WIPF3: variants seen among roughly 807,000 people sequenced by gnomAD.
The protein encoded by WIPF3 is WAS/WASL-interacting protein family member 3.
WIPF3 carries 33 observed loss-of-function variants against 38.9 expected under a neutral mutation model. The ratio of observed to expected loss-of-function variants is 0.85; its 90% confidence interval spans 0.64 to 1.14. WIPF3 has a LOEUF of 1.14. Among genes scored for constraint, WIPF3 ranks in the 50% most tolerant of loss-of-function variants. The pLI is 0.00. For synonymous variants in WIPF3, 324 were observed against 269.3 expected (o/e 1.20, Z -1.99); for missense variants, 711 against 652.5 (o/e 1.09, Z -0.98).
intron 2 of WIPF3, among the ~76,000 whole-genome samples, chr7:29,848,171 G>T (rs1037840054): frequency 4.6e-5 from 7 of 152,212 alleles, no homozygotes; most frequent in African/African-American, 1.7e-4. Flanking sequence ...ACCAGCCACA[G>T]ATTAGACCCA....
At chr7:29,864,729 G>A (rs189707946) in intron 2 of WIPF3, among the ~76,000 whole-genome samples, 413 of 152,214 alleles carry the variant, frequency 2.7e-3, no homozygotes, top group Non-Finnish European at 4.4e-3. Flanking sequence ...CCACATTTCA[G>A]ATTCTCTATT....
chr7:29,888,240 C>G (rs763962063), intron 6 of WIPF3, 23 bp downstream of exon 6: 7 of 1,588,976 alleles, frequency 4.4e-6, no homozygotes, highest in Non-Finnish European at 3.4e-6. Flanking sequence ...CACCCTCTGC[C>G]GGTTTGGCTG....
chr7:29,873,096 C>T (rs1467395303), intron 2 of WIPF3, among the ~76,000 whole-genome samples: 1 of 152,308 alleles, frequency 6.6e-6, no homozygotes, highest in Admixed American at 6.5e-5. Flanking sequence ...CAACGTTCTT[C>T]ACAGCCCTCA....
chr7:29,822,677 A>G (rs1025269853), intron 1 of WIPF3, among the ~76,000 whole-genome samples: 3 of 152,208 alleles, frequency 2.0e-5, no homozygotes, highest in African/African-American at 4.8e-5. Context: ...TGTATCGTCT[A>G]CAGCATATCC....
chr7:29,845,013 G>A (rs1184720942), intron 2 of WIPF3, among the ~76,000 whole-genome samples: 1 of 150,118 alleles, frequency 6.7e-6, no homozygotes, highest in African/African-American at 2.5e-5. Context: ...TGCCTCCTGA[G>A]ATTGCTGTTT....
chr7:29,867,203 G>C (rs1785403016), intron 2 of WIPF3, among the ~76,000 whole-genome samples: 1 of 152,180 alleles, frequency 6.6e-6, no homozygotes, highest in East Asian at 1.9e-4. Context: ...AGTCACCGCT[G>C]TGTGCACTCT....
chr7:29,889,654 T>C (rs1220988135), intron 7 of WIPF3, among the ~76,000 whole-genome samples: 2 of 152,206 alleles, frequency 1.3e-5, no homozygotes, highest in African/African-American at 4.8e-5. Flanking sequence ...TTTGGATGCC[T>C]AAACTTACCA....
chr7:29,908,576 A>G (rs944202076), intron 8 of WIPF3, among the ~76,000 whole-genome samples: 4 of 152,204 alleles, frequency 2.6e-5, no homozygotes, highest in Admixed American at 2.6e-4. Context: ...AGGAGAGTCC[A>G]TTTGTTAGGC....
At chr7:29,884,739 A>C in intron 5 of WIPF3, 146 bp downstream of exon 5, 1 of 1,288,952 alleles carries the variant, frequency 7.8e-7, no homozygotes, top group South Asian at 1.6e-5. Flanking sequence ...ATCATGCTGC[A>C]TGTAAGCAAG....
intron 7 of WIPF3, among the ~76,000 whole-genome samples, chr7:29,890,338 T>G (rs1785977513): frequency 1.5e-5 from 2 of 135,082 alleles, no homozygotes; most frequent in Admixed American, 7.8e-5. Context: ...GATGACAGAG[T>G]GAGACTCTGT....
Position 29,884,264 on chromosome 7 carries a change from T to TTGG in WIPF3, c.770_771insTGG (p.Leu257_Pro258insGly). The TTGG allele has an allele frequency of 2.3e-6, 3 of 1,315,260 alleles. No homozygotes were observed. The highest frequency in any genetic ancestry group is 2.0e-6 in the Non-Finnish European group (2 of 992,686). The allele number at this position is 1,315,260 out of a possible 1,614,324, so 81.5% of individuals were successfully genotyped here. A position where few individuals can be genotyped will look rare whatever the true frequency, so the allele number is the denominator to read the frequency against. On this transcript the variant is annotated inframe_insertion, in exon 5 of 9. Transcript: ENST00000242140. ...AAGCCTCAGCTGGCTCCCTTGCACC[T>TTGG]CCCGCCCATCCCGCCCCCGCTCCCT...
At chr7:29,875,235 A>G (rs920557831) in intron 2 of WIPF3, among the ~76,000 whole-genome samples, 1 of 152,078 alleles carries the variant, frequency 6.6e-6, no homozygotes, top group East Asian at 1.9e-4. Context: ...ACCATCCTCC[A>G]TTCAAAGCCA....
chr7:29,848,430 G>A (rs1189188821), intron 2 of WIPF3, among the ~76,000 whole-genome samples: 1 of 152,164 alleles, frequency 6.6e-6, no homozygotes, highest in Non-Finnish European at 1.5e-5. Context: ...AGGTTTAATC[G>A]TGATACTCAT....
At chr7:29,849,952 T>C (rs1215322676) in intron 2 of WIPF3, among the ~76,000 whole-genome samples, 1 of 152,222 alleles carries the variant, frequency 6.6e-6, no homozygotes, top group East Asian at 1.9e-4. Context: ...AGCAATCGTT[T>C]GTATTTTCTT....
chr7:29,853,257 G>A (rs1311600152), intron 2 of WIPF3, among the ~76,000 whole-genome samples: 1 of 152,204 alleles, frequency 6.6e-6, no homozygotes, highest in Non-Finnish European at 1.5e-5. Flanking sequence ...GCAGGGGTGT[G>A]CCTTCTCCTC....
At chr7:29,912,556 T>C in intron 8 of WIPF3, 1 of 213,778 alleles carries the variant, frequency 4.7e-6, no homozygotes, top group Non-Finnish European at 1.0e-5. Flanking sequence ...AGCGTGATGA[T>C]TGAGTATTCA....
At chr7:29,877,561 G>A (rs1461810475) in intron 3 of WIPF3, among the ~76,000 whole-genome samples, 1 of 152,192 alleles carries the variant, frequency 6.6e-6, no homozygotes, top group Non-Finnish European at 1.5e-5. Context: ...ACTTATGTGT[G>A]AAGAAGTGTA....
chr7:29,877,320 C>T (rs893019017), intron 3 of WIPF3, among the ~76,000 whole-genome samples: 2 of 152,224 alleles, frequency 1.3e-5, no homozygotes, highest in Admixed American at 1.3e-4. Context: ...ACTTCCTGGT[C>T]TCTCAGTGGT....
At position 29,878,465 on chromosome 7, in the gene WIPF3, T is replaced by C. The variant is rs922630892; in HGVS notation, c.224-544T>C. 1.3e-5 allele frequency among the ~76,000 whole-genome samples: 2 copies of C among 151,810 alleles called. No individual in the cohort carries two copies. The highest frequency in any genetic ancestry group is 1.3e-4 in the Admixed American group (2 of 15,234). ...CCATAGATGAAAAGGTGCAGGGAGG[T>C]GCGAGGGGCTGGGGGCTTGAGGGCT... On this transcript the variant is annotated intron_variant, in intron 3 of 8. Transcript: ENST00000242140. The surrounding 1 kb of genome is among the most constrained non-coding windows in gnomAD (Gnocchi z 4.0).
Sources: gnomAD v4.1 joint callset for allele counts (sites outside exome capture counted in the v4.1 genomes callset) on GRCh38, gnomAD v4.1.1 for gene constraint, Gnocchi (gnomAD v3.1) non-coding constraint, MANE v1.5 for transcripts, NCBI Gene and HGNC (gene_info 2026-07-23, HGNC 2026-07-21) for gene names.